The following PALLD variants were observed in gnomAD, a reference collection of about 807,000 sequenced individuals.
PALLD encodes palladin, cytoskeletal associated protein, also known as palladin.
PALLD carries 61 observed loss-of-function variants against 123.5 expected under a neutral mutation model. The ratio of observed to expected loss-of-function variants is 0.49; its 90% CI spans 0.40 to 0.61. The LOEUF (loss-of-function observed/expected upper bound fraction) is 0.61. PALLD is among the 20% of genes least tolerant of loss of function. The probability of loss-of-function intolerance (pLI) is 0.00; values close to 1 mark genes in which losing one functional copy is unlikely to be tolerated. For missense variants in PALLD, 1,273 were observed against 1,377.0 expected (o/e 0.92, Z 1.20); for synonymous variants, 465 against 496.4 (o/e 0.94, Z 0.84).
At chr4:168,887,409 G>A (rs999478501) in intron 10 of PALLD, among the ~76,000 whole-genome samples, 1 of 152,292 alleles carries the variant, frequency 6.6e-6, no homozygotes, top group African/African-American at 2.4e-5. Flanking sequence ...CCGCTCCTCC[G>A]ATTGAGATGA....
At chr4:168,567,399 C>T (rs1363615238) in intron 2 of PALLD, among the ~76,000 whole-genome samples, 1 of 151,372 alleles carries the variant, frequency 6.6e-6, no homozygotes, top group South Asian at 2.1e-4. Context: ...ACACAAATGG[C>T]CAAAAAACAT....
intron 10 of PALLD, among the ~76,000 whole-genome samples, chr4:168,857,186 G>T (rs187076975): frequency 1.3e-5 from 2 of 152,258 alleles, no homozygotes; most frequent in African/African-American, 4.8e-5. Flanking sequence ...CTCTGATTTT[G>T]TTAGCTAGCC....
At chr4:168,714,533 T>C (rs1785153597) in intron 10 of PALLD, among the ~76,000 whole-genome samples, 1 of 152,212 alleles carries the variant, frequency 6.6e-6, no homozygotes, top group Admixed American at 6.5e-5. Context: ...CCAAGTGAAA[T>C]TCTTACACAT....
At chr4:168,888,673 C>G (rs934204742) in intron 10 of PALLD, among the ~76,000 whole-genome samples, 1 of 152,194 alleles carries the variant, frequency 6.6e-6, no homozygotes, top group Non-Finnish European at 1.5e-5. Context: ...CTCATTGGCC[C>G]AGGCTATATC....
At chr4:168,750,831 T>G (rs890613318) in intron 10 of PALLD, among the ~76,000 whole-genome samples, 1 of 152,204 alleles carries the variant, frequency 6.6e-6, no homozygotes, top group Non-Finnish European at 1.5e-5. Context: ...CTAACTGGAA[T>G]TGTTCTCCAT....
intron 2 of PALLD, among the ~76,000 whole-genome samples, chr4:168,565,963 AT>A (rs1026303200): frequency 4.0e-5 from 6 of 151,460 alleles, no homozygotes; most frequent in East Asian, 3.9e-4. Context: ...AATGGTGTGG[AT>A]TTTTTTTTCT....
chr4:168,641,182 T>A (rs113953576), intron 2 of PALLD, among the ~76,000 whole-genome samples: 1 of 144,860 alleles, frequency 6.9e-6, no homozygotes, highest in Non-Finnish European at 1.5e-5. Flanking sequence ...CACTCCAGCC[T>A]GGGCGACAGA....
Position 168,764,641 on chromosome 4 carries a change from C to T in PALLD, c.1964+52718C>T, listed in dbSNP as rs896464919. ...TCCCTCTCAGTATGTTTATTCCAAACCCTTTCTAACAGGTGTCCATGCGTT... is the reference window on the plus strand; with the variant it reads ...TCCCTCTCAGTATGTTTATTCCAAATCCTTTCTAACAGGTGTCCATGCGTT... On this transcript the variant is annotated intron_variant, in intron 10 of 21. Coordinates refer to ENST00000505667, the MANE Select transcript of PALLD (RefSeq NM_001166108.2). Among the ~76,000 whole-genome samples, 4 of 151,996 alleles carry T rather than the reference C, an allele frequency of 2.6e-5. No homozygotes were observed. In the East Asian group the frequency reaches 7.7e-4, roughly 29 times the overall value.
At chr4:168,781,459 A>G (rs1581437578) in intron 10 of PALLD, among the ~76,000 whole-genome samples, 1 of 152,162 alleles carries the variant, frequency 6.6e-6, no homozygotes, top group Admixed American at 6.5e-5. Flanking sequence ...GGTGTGGTGG[A>G]GGGGATAACT....
rs1761535689 is a variant in PALLD, at chr4:168,921,646, T to C, written c.2963T>C (p.Ile988Thr). 6.2e-7 allele frequency: 1 copy of C among 1,611,526 alleles called. No individual in the cohort carries two copies. ...GAGAACGGGGTGCACTCTCTGATCA[T>C]AGAGCCAGTCACGTCACGTGATGCC... ...VRENGVHSLI[I>T]EPVTSRDAGI... is the part of the protein sequence containing the mutation. The change falls in exon 18 of 22, where the codon ATA becomes ACA. Residue 988 changes from isoleucine (I) to threonine (T), a missense_variant. By Grantham distance (89) the Ile-to-Thr change is moderately conservative (BLOSUM62 -1). Around this residue, in one of 2 missense-constraint regions of PALLD, gnomAD observed 329 missense variants for 422.5 expected, o/e 0.78. Coordinates refer to ENST00000505667, the MANE Select transcript of PALLD (RefSeq NM_001166108.2).
intron 10 of PALLD, among the ~76,000 whole-genome samples, chr4:168,778,128 C>T (rs562098008): frequency 1.3e-5 from 2 of 152,284 alleles, no homozygotes; most frequent in South Asian, 4.1e-4. Context: ...GACAGCTTTT[C>T]CTTCCTCTTT....
chr4:168,763,753 TG>T (rs1053316124), intron 10 of PALLD, among the ~76,000 whole-genome samples: 2 of 152,160 alleles, frequency 1.3e-5, no homozygotes, highest in African/African-American at 4.8e-5. Context: ...CCATGGTTTT[TG>T]TTTTAGATCA....
At chr4:168,622,252 T>C (rs1774834657) in intron 2 of PALLD, among the ~76,000 whole-genome samples, 1 of 152,202 alleles carries the variant, frequency 6.6e-6, no homozygotes, top group Admixed American at 6.5e-5. Flanking sequence ...TCCTCCAGTG[T>C]AGATACTATA....
At chr4:168,746,202 G>A (rs1297682620) in intron 10 of PALLD, among the ~76,000 whole-genome samples, 1 of 151,400 alleles carries the variant, frequency 6.6e-6, no homozygotes, top group Admixed American at 6.6e-5. Context: ...ATTCTATAAA[G>A]CCTGCTTGGA....
chr4:168,710,212 T>C (rs1364589132), intron 9 of PALLD, among the ~76,000 whole-genome samples: 1 of 152,158 alleles, frequency 6.6e-6, no homozygotes, highest in Non-Finnish European at 1.5e-5. Flanking sequence ...TTTTCAAAAA[T>C]ATATGGATAT....
chr4:168,775,764 A>T (rs1356890242), intron 10 of PALLD, among the ~76,000 whole-genome samples: 1 of 152,080 alleles, frequency 6.6e-6, no homozygotes, highest in Non-Finnish European at 1.5e-5. Context: ...TATGCATTTG[A>T]TTGTTCCAGC....
intron 10 of PALLD, among the ~76,000 whole-genome samples, chr4:168,774,727 CAAAAAAAA>C (rs56364164): frequency 1.4e-5 from 1 of 73,228 alleles, no homozygotes; most frequent in Admixed American, 1.9e-4. Context: ...GACTGCATCT[CAAAAAAAA>C]AAAAAAAAAA....
chr4:168,715,761 T>C (rs1785292161), intron 10 of PALLD, among the ~76,000 whole-genome samples: 1 of 152,112 alleles, frequency 6.6e-6, no homozygotes, highest in African/African-American at 2.4e-5. Flanking sequence ...CCATCCTGGC[T>C]AACACAGTGA....
chr4:168,766,060 T>C (rs908955207), intron 10 of PALLD, among the ~76,000 whole-genome samples: 1 of 152,228 alleles, frequency 6.6e-6, no homozygotes, highest in African/African-American at 2.4e-5. Context: ...AGTTTCTGGT[T>C]GGCAGAGTAA....
Sources: allele counts gnomAD v4.1 joint callset (sites outside exome capture counted in the v4.1 genomes callset), GRCh38; gene constraint gnomAD v4.1.1; regional missense constraint gnomAD v4.1.1; transcripts MANE v1.5; gene names NCBI Gene and HGNC (gene_info 2026-07-23, HGNC 2026-07-21).